ARHGAP32: variants seen among roughly 807,000 people sequenced by gnomAD.
ARHGAP32 encodes the protein Rho GTPase activating protein 32, also known as rho GTPase-activating protein 32.
ARHGAP32 carries 51 observed loss-of-function variants against 186.5 expected under a neutral mutation model. That is an observed-to-expected ratio of 0.27 (90% CI 0.22 to 0.35). The LOEUF (loss-of-function observed/expected upper bound fraction) is 0.35, where lower values mean the gene tolerates loss of function less well. Among genes scored for constraint, ARHGAP32 ranks in the 10% least tolerant of loss-of-function variants. ARHGAP32 has a pLI of 1.00. For missense variants in ARHGAP32, 2,186 were observed against 2,623.5 expected, an observed-to-expected ratio of 0.83 and a Z score of 3.64; for synonymous variants, 950 against 964.3, an observed-to-expected ratio of 0.99 and a Z score of 0.27.
chr11:129,036,380 CAAAAAAAAAA>C (rs58678377), intron 11 of ARHGAP32, among the ~76,000 whole-genome samples: 16 of 98,684 alleles, frequency 1.6e-4, no homozygotes, highest in African/African-American at 5.4e-4. Flanking sequence ...AACTCCGTCT[CAAAAAAAAAA>C]AAAAAAAAAA....
At chr11:129,059,004 C>T (rs1226374132) in intron 10 of ARHGAP32, among the ~76,000 whole-genome samples, 1 of 152,214 alleles carries the variant, frequency 6.6e-6, no homozygotes, top group African/African-American at 2.4e-5. Flanking sequence ...CAGCAATGTT[C>T]CCACCAGTAA....
At chr11:128,983,778 G>C (rs1945783889) in intron 15 of ARHGAP32, among the ~76,000 whole-genome samples, 1 of 152,006 alleles carries the variant, frequency 6.6e-6, no homozygotes, top group African/African-American at 2.4e-5. Context: ...TATTTTATGA[G>C]AATTGCAAAT....
Position 128,970,604 on chromosome 11 carries a change from T to C in ARHGAP32, c.4609A>G (p.Arg1537Gly), listed in dbSNP as rs974029280. The change falls in exon 23 of 23, where the codon AGG becomes GGG. Residue 1537 changes from arginine to glycine, a missense_variant. Physicochemically the swap from Arg to Gly is moderately radical, Grantham distance 125 (BLOSUM62 -2). Coordinates refer to ENST00000682385, the MANE Select transcript of ARHGAP32 (RefSeq NM_001378024.1). The surrounding 1 kb of genome is among the most constrained non-coding windows in gnomAD (Gnocchi z 5.8). ...KLEQHQVYGA[R>G]SEPPASMGLR... ...CCCATGGAGGCTGGTGGCTCTGACC[T>C]GGCACCATACACTTGGTGCTGCTCC... The C allele has an allele frequency of 4.3e-6, 7 of 1,614,046 alleles. No homozygotes were observed. In the African/African-American group the frequency reaches 8.0e-5, roughly 18 times the overall value.
Position 129,131,163 on chromosome 11 carries a change from G to C in ARHGAP32, c.226-6269C>G, listed in dbSNP as rs1046999096. Among the ~76,000 whole-genome samples, 4 of 151,808 alleles carry C rather than the reference G, an allele frequency of 2.6e-5. No individual in the cohort carries two copies. In the South Asian group the frequency reaches 6.3e-4, roughly 24 times the overall value. On this transcript the variant is annotated intron_variant, in intron 2 of 22. Transcript: ENST00000682385. The stretch of plus-strand genomic sequence containing the variant: ...ATAGAAATAAGTGTTACAACTGGCT[G>C]GTGAGAAATACGAAAAAACCTTACC...
At chr11:129,259,650 T>G (rs188939990) in intron 1 of ARHGAP32, among the ~76,000 whole-genome samples, 2 of 151,560 alleles carry the variant, frequency 1.3e-5, no homozygotes, top group East Asian at 3.9e-4. Context: ...GGAAGATAGC[T>G]TTTAATAAGA....
chr11:129,169,174 A>G (rs1434171280), intron 1 of ARHGAP32, among the ~76,000 whole-genome samples: 1 of 152,222 alleles, frequency 6.6e-6, no homozygotes, highest in East Asian at 1.9e-4. Flanking sequence ...AATAAAATAG[A>G]AAGTAAATGC....
At chr11:129,207,223 G>A (rs773728630) in intron 1 of ARHGAP32, among the ~76,000 whole-genome samples, 31 of 152,046 alleles carry the variant, frequency 2.0e-4, no homozygotes, top group African/African-American at 4.3e-4. Context: ...ATACGTGTGC[G>A]TGTGATTTAT....
At chr11:129,154,165 T>G (rs554301495) in intron 2 of ARHGAP32, among the ~76,000 whole-genome samples, 1 of 151,978 alleles carries the variant, frequency 6.6e-6, no homozygotes, top group South Asian at 2.1e-4. Flanking sequence ...AAATACAAAT[T>G]AAAATTACAA....
chr11:129,010,964 T>A (rs1278013156), intron 11 of ARHGAP32, among the ~76,000 whole-genome samples: 1 of 152,210 alleles, frequency 6.6e-6, no homozygotes, highest in East Asian at 1.9e-4. Flanking sequence ...TTCAAAGGAA[T>A]GGAAAGTGAA....
intron 5 of ARHGAP32, among the ~76,000 whole-genome samples, chr11:129,121,442 A>G (rs1477223053): frequency 6.6e-6 from 1 of 152,082 alleles, no homozygotes; most frequent in African/African-American, 2.4e-5. Flanking sequence ...CTCCAAAGAC[A>G]CAGAACAGAG....
intron 1 of ARHGAP32, among the ~76,000 whole-genome samples, chr11:129,272,092 A>C (rs533180830): frequency 3.3e-5 from 5 of 152,324 alleles, no homozygotes; most frequent in African/African-American, 1.2e-4. Flanking sequence ...CAGCAAATAT[A>C]AACAACTCTT....
chr11:129,170,834 G>C (rs1290019587), intron 1 of ARHGAP32, among the ~76,000 whole-genome samples: 1 of 152,118 alleles, frequency 6.6e-6, no homozygotes. Context: ...AGCATCTATT[G>C]TTTCCTGACT....
chr11:129,114,026 C>T (rs1028327678), intron 5 of ARHGAP32, among the ~76,000 whole-genome samples: 3 of 152,056 alleles, frequency 2.0e-5, no homozygotes, highest in Non-Finnish European at 4.4e-5. Flanking sequence ...TACAGTCATC[C>T]CCTTTTTTCC....
upstream of ARHGAP32, among the ~76,000 whole-genome samples, chr11:129,196,221 T>C (rs1944388405): frequency 6.6e-6 from 1 of 152,152 alleles, no homozygotes; most frequent in Admixed American, 6.5e-5. Flanking sequence ...CAGTGGTAAG[T>C]AGTAATAATC....
chr11:129,099,524 T>A (rs772364584), intron 5 of ARHGAP32, among the ~76,000 whole-genome samples: 1 of 152,074 alleles, frequency 6.6e-6, no homozygotes, highest in African/African-American at 2.4e-5. Flanking sequence ...AAGTGATGCA[T>A]TACTATATAT....
intron 2 of ARHGAP32, among the ~76,000 whole-genome samples, chr11:129,140,295 G>A (rs1943023949): frequency 6.6e-6 from 1 of 152,144 alleles, no homozygotes; most frequent in African/African-American, 2.4e-5. Context: ...ATCTGCAGAT[G>A]AGAACCCAGC....
chr11:129,215,423 A>G (rs989971090), intron 1 of ARHGAP32, among the ~76,000 whole-genome samples: 1 of 152,148 alleles, frequency 6.6e-6, no homozygotes, highest in African/African-American at 2.4e-5. Context: ...AGTCACTCCA[A>G]ATTCAATGAC....
chr11:129,052,733 T>A (rs1193952118), intron 10 of ARHGAP32, among the ~76,000 whole-genome samples: 1 of 152,168 alleles, frequency 6.6e-6, no homozygotes, highest in East Asian at 1.9e-4. Flanking sequence ...AACAAGGTCT[T>A]CACATAGTTG....
intron 6 of ARHGAP32, among the ~76,000 whole-genome samples, chr11:129,085,002 C>T (rs1448727608): frequency 2.0e-5 from 3 of 151,576 alleles, no homozygotes; most frequent in African/African-American, 7.3e-5. Context: ...CAGCAATGAG[C>T]AAGAGAAATT....
Sources: allele counts gnomAD v4.1 joint callset (sites outside exome capture counted in the v4.1 genomes callset), GRCh38; gene constraint gnomAD v4.1.1; non-coding constraint Gnocchi (gnomAD v3.1); transcripts MANE v1.5; gene names NCBI Gene and HGNC (gene_info 2026-07-23, HGNC 2026-07-21).